The following WDR53 variants were observed in gnomAD, a reference collection of about 807,000 sequenced individuals.
WDR53 encodes WD repeat-containing protein 53.
A neutral mutation model predicts 21.3 loss-of-function variants in WDR53; 19 were observed. That is an observed-to-expected ratio of 0.89 (90% confidence interval 0.62 to 1.31). The LOEUF is 1.31. Ranked by LOEUF, WDR53 falls within the 50% of genes most tolerant of loss-of-function variation. The probability of loss-of-function intolerance (pLI) is 0.00; values close to 1 mark genes in which losing one functional copy is unlikely to be tolerated. For synonymous variants in WDR53, 157 were observed against 163.4 expected, an observed-to-expected ratio of 0.96 and a Z score of 0.30; for missense variants, 374 against 423.2, an observed-to-expected ratio of 0.88 and a Z score of 1.02.
rs1054012199 is a variant in WDR53 at position 196,560,921 on chromosome 3, C to T, written c.480+75G>A. The T allele has an allele frequency of 1.6e-5, 24 of 1,519,080 alleles. No individual in the cohort carries two copies. In the East Asian group the frequency reaches 1.8e-4, roughly 11 times the overall value. 94.1% of individuals were successfully genotyped at this position (1,519,080 alleles called of 1,614,324 possible). On this transcript the variant is annotated intron_variant, in intron 3 of 3. Transcript: ENST00000332629. Reference sequence around the variant, plus strand: ...GAAAACAGAAAAAGCAAAGATATTTCGTGTGATCAATAATTTGATCCTGTT... The same window carrying T: ...GAAAACAGAAAAAGCAAAGATATTTTGTGTGATCAATAATTTGATCCTGTT...
rs138498813 is a variant in WDR53 at position 196,564,311 on chromosome 3, T to G, written c.-17+2566A>C. 2.9e-3 allele frequency among the ~76,000 whole-genome samples: 447 copies of G among 152,278 alleles called. 5 individuals carry two copies. Among genetic ancestry groups the G allele is most frequent in the African/African-American group, 9.8e-3 (408 of 41,552 alleles). On this transcript the variant is annotated intron_variant, in intron 2 of 3. Coordinates refer to ENST00000332629, the MANE Select transcript of WDR53 (RefSeq NM_182627.3). ...GACTTACCTCATGATAAAGATGCTA[T>G]CCTACAAATTTGAATTGAGTATTGA...
intron 2 of WDR53, 50 bp from the exon 3 acceptor site, chr3:196,561,541 G>C: frequency 6.7e-7 from 1 of 1,503,002 alleles, no homozygotes. Context: ...ACATCGACTT[G>C]ATGGGAGGAG....
intron 2 of WDR53, among the ~76,000 whole-genome samples, chr3:196,565,560 A>AGGGGGGGGGTGG (rs201482568): frequency 6.8e-6 from 1 of 147,922 alleles, no homozygotes; most frequent in African/African-American, 2.5e-5. Context: ...AGTCGGGGTG[A>AGGGGGGGGGTGG]GGGGGCAGGG....
chr3:196,561,100 T>TCCGA lies in WDR53; in HGVS notation c.375_376insTCGG (p.Lys126SerfsTer57). 6.2e-7 allele frequency: 1 copy of TCCGA among 1,614,254 alleles called. No homozygotes were observed. The highest frequency in any genetic ancestry group is 8.5e-7 in the Non-Finnish European group (1 of 1,180,052). ...CTCTTCAAGGATCTGATAACTTTCTTGTTTTCCAAGTCTAGGATTTTGATT... is the reference window on the plus strand; with the variant it reads ...CTCTTCAAGGATCTGATAACTTTCTTCCGAGTTTTCCAAGTCTAGGATTTTGATT... On this transcript the variant is annotated frameshift_variant, in exon 3 of 4. Transcript: ENST00000332629. LOFTEE classifies it high-confidence loss of function.
chr3:196,561,103 T>G lies in WDR53; in HGVS notation c.373A>C (p.Asn125His). The change falls in exon 3 of 4, where the codon AAC (asparagine) becomes CAC (histidine). Residue 125 changes from asparagine (N) to histidine (H), a missense_variant. Asn to His is a moderately conservative substitution (Grantham distance 68). Transcript: ENST00000332629. ...TTCAAGGATCTGATAACTTTCTTGT[T>G]TTCCAAGTCTAGGATTTTGATTGCC... Reference protein sequence around the residue: ...SGAIKILDLENKKVIRSLKRH... With the variant: ...SGAIKILDLEHKKVIRSLKRH... 2 of 1,614,256 alleles carry G rather than the reference T, an allele frequency of 1.2e-6. No individual in the cohort carries two copies. The highest frequency in any genetic ancestry group is 1.7e-6 in the Non-Finnish European group (2 of 1,180,046).
rs1188015263 is a variant in WDR53, at chr3:196,567,320, A to T, written c.-447-13T>A. The T allele has an allele frequency of 2.2e-6, 1 of 445,414 alleles. No homozygotes were observed. Among genetic ancestry groups the T allele is most frequent in the African/African-American group, 2.0e-5 (1 of 49,282 alleles). 27.6% of individuals were successfully genotyped at this position (445,414 alleles called of 1,614,324 possible). ...TGTGGCGCTGGCACTGGTAAGAATG[A>T]AAAGAATTAGGGTTACTGGACTTGG... On this transcript the variant is annotated splice_polypyrimidine_tract_variant and intron_variant, in intron 1 of 3. Transcript: ENST00000332629.
chr3:196,561,567 AATATTTCATC>A, intron 2 of WDR53, 76 bp from the exon 3 acceptor site: 1 of 1,364,018 alleles, frequency 7.3e-7, no homozygotes, highest in Non-Finnish European at 9.8e-7. Context: ...TGTAATAAAC[AATATTTCATC>A]TTTTAAAATG....
chr3:196,563,649 G>A (rs996243345), intron 2 of WDR53, among the ~76,000 whole-genome samples: 1 of 150,556 alleles, frequency 6.6e-6, no homozygotes, highest in Non-Finnish European at 1.5e-5. Context: ...TCAGCTCTCT[G>A]CAACCTCTGC....
chr3:196,564,792 G>C (rs1177670783), intron 2 of WDR53, among the ~76,000 whole-genome samples: 1 of 152,174 alleles, frequency 6.6e-6, no homozygotes, highest in African/African-American at 2.4e-5. Flanking sequence ...ATATTTGTGT[G>C]CATACAGGTT....
intron 2 of WDR53, among the ~76,000 whole-genome samples, chr3:196,564,969 AAAGAT>A (rs1370950256): frequency 6.6e-6 from 1 of 152,198 alleles, no homozygotes; most frequent in Admixed American, 6.5e-5. Context: ...CTTTTCTAGA[AAAGAT>A]TAACTCAATC....
At chr3:196,567,849 G>A (rs1332740684) in intron 1 of WDR53, among the ~76,000 whole-genome samples, 1 of 151,020 alleles carries the variant, frequency 6.6e-6, no homozygotes. Context: ...GTTCACCTCA[G>A]CCTCGACCTC....
chr3:196,565,411 C>A (rs563151511), intron 2 of WDR53, among the ~76,000 whole-genome samples: 148 of 152,190 alleles, frequency 9.7e-4, no homozygotes, highest in Non-Finnish European at 1.6e-3. Context: ...CCTGTCTCTA[C>A]TAAAAATACA....
intron 3 of WDR53, among the ~76,000 whole-genome samples, chr3:196,558,429 ACTC>A (rs1734534033): frequency 6.6e-6 from 1 of 151,924 alleles, no homozygotes; most frequent in Non-Finnish European, 1.5e-5. Flanking sequence ...CTGGTCTCGA[ACTC>A]CTGGGCTCAA....
At chr3:196,555,807 A>G (rs1314058778) in intron 3 of WDR53, among the ~76,000 whole-genome samples, 2 of 152,200 alleles carry the variant, frequency 1.3e-5, no homozygotes, top group African/African-American at 4.8e-5. Context: ...TTCCTATTCA[A>G]GGTAACTTCC....
At chr3:196,567,393 A>G in intron 1 of WDR53, 86 bp from the exon 2 acceptor site, 1 of 366,840 alleles carries the variant, frequency 2.7e-6, no homozygotes, top group Non-Finnish European at 5.4e-6. Context: ...ATCAAACACC[A>G]TGAATCAGAG....
intron 3 of WDR53, among the ~76,000 whole-genome samples, 180 bp from the exon 4 acceptor site, chr3:196,554,987 CG>C (rs1734202386): frequency 6.6e-6 from 1 of 152,100 alleles, no homozygotes; most frequent in African/African-American, 2.4e-5. Context: ...AATGCTACCC[CG>C]GGACTAAAAC....
chr3:196,565,510 G>C lies in WDR53; in HGVS notation c.-17+1367C>G, dbSNP rs1161264150. Among the ~76,000 whole-genome samples the C allele has an allele frequency of 2.7e-5, 4 of 150,172 alleles. No individual in the cohort carries two copies. In the South Asian group the frequency reaches 8.6e-4, roughly 32 times the overall value. On this transcript the variant is annotated intron_variant, in intron 2 of 3. Coordinates refer to ENST00000332629, the MANE Select transcript of WDR53 (RefSeq NM_182627.3). ...AACCTGGGAGGTGGAGGTTGCAGTG[G>C]TGAACTGAGATTGTGCCACTGCACT... is the stretch of plus-strand genomic sequence containing the variant.
chr3:196,567,481 A>G (rs1735521540), intron 1 of WDR53, among the ~76,000 whole-genome samples, 174 bp from the exon 2 acceptor site: 2 of 152,222 alleles, frequency 1.3e-5, no homozygotes, highest in Non-Finnish European at 2.9e-5. Flanking sequence ...AAGCTTCAGA[A>G]AAGATTTCTT....
Position 196,555,722 on chromosome 3 carries a change from G to A in WDR53, c.481-915C>T, listed in dbSNP as rs549454661. Among the ~76,000 whole-genome samples the A allele has an allele frequency of 9.8e-5, 15 of 152,292 alleles. No individual in the cohort carries two copies. In the South Asian group the frequency reaches 2.7e-3, roughly 27 times the overall value. ...TTTTAACAGACACTGGAAGAAGCAT[G>A]AGCTTGTTTAGACAGTGAAAAGCAT... On this transcript the variant is annotated intron_variant, in intron 3 of 3. Transcript: ENST00000332629.
Sources: gnomAD v4.1 joint callset for allele counts (sites outside exome capture counted in the v4.1 genomes callset) on GRCh38, gnomAD v4.1.1 for gene constraint, MANE v1.5 for transcripts, NCBI Gene and HGNC (gene_info 2026-07-23, HGNC 2026-07-21) for gene names.